KCNA2: variants seen among roughly 807,000 people sequenced by gnomAD.
The protein encoded by KCNA2 is potassium voltage-gated channel subfamily A member 2, also known as potassium channel, voltage gated shaker related subfamily A, member 2.
KCNA2 carries 11 observed loss-of-function variants against 33.4 expected under a neutral mutation model. The observed-to-expected ratio is 0.33, with a 90% confidence interval of 0.21 to 0.55. The LOEUF is 0.55. Ranked by LOEUF, KCNA2 falls within the 20% of genes least tolerant of loss-of-function variation. The pLI is 0.93. For synonymous variants in KCNA2, 222 were observed against 231.3 expected, an observed-to-expected ratio of 0.96 and a Z score of 0.37; for missense variants, 291 against 621.6, an observed-to-expected ratio of 0.47 and a Z score of 5.66.
chr1:110,625,913 T>C (rs1183197722), intron 1 of KCNA2, among the ~76,000 whole-genome samples: 2 of 152,218 alleles, frequency 1.3e-5, no homozygotes, highest in Admixed American at 6.5e-5. Context: ...TTTTTTGACC[T>C]ATTGATTTGG....
chr1:110,603,361 C>T lies in KCNA2; in HGVS notation c.1422G>A (p.Glu474=), dbSNP rs2101394728. 4.3e-6 allele frequency: 7 copies of T among 1,613,968 alleles called. No homozygotes were observed. The South Asian group carries it at 6.6e-5, about 15-fold the overall frequency. The change falls in exon 3 of 3, where the codon GAG becomes GAA. Residue 474 remains glutamate, a synonymous_variant. Transcript: ENST00000316361. This position sits in a 1 kb window ranked among gnomAD's most constrained non-coding sequence, Gnocchi z 5.7. The part of the protein sequence containing the change: ...GVNNSNEDFR[E]ENLKTANCTL... ...TACAGTTGGCTGTTTTCAAGTTTTC[C>T]TCTCTAAAGTCCTCATTACTGTTAT...
intron 1 of KCNA2, among the ~76,000 whole-genome samples, chr1:110,615,838 G>T (rs1228700749): frequency 6.6e-6 from 1 of 152,156 alleles, no homozygotes; most frequent in Non-Finnish European, 1.5e-5. Flanking sequence ...GGGCGCCTGG[G>T]GAGGAGAACC....
In KCNA2 at chr1:110,595,966, C is replaced by T; in HGVS notation, c.*7317G>A. On this transcript the variant is annotated 3_prime_UTR_variant, in exon 3 of 3. Coordinates refer to ENST00000316361, the MANE Select transcript of KCNA2 (RefSeq NM_004974.4). Reference sequence around the variant, plus strand: ...CCCTCGAGTACAAAGTTTGGAATAACTTTTCTGATCCTCAGTGATGAGGTT... The same window carrying T: ...CCCTCGAGTACAAAGTTTGGAATAATTTTTCTGATCCTCAGTGATGAGGTT... The T allele has an allele frequency of 1.0e-6, 1 of 985,436 alleles. No homozygotes were observed. Among genetic ancestry groups the T allele is most frequent in the Non-Finnish European group, 1.2e-6 (1 of 829,924 alleles). 61.0% of individuals were successfully genotyped at this position (985,436 alleles called of 1,614,324 possible).
chr1:110,622,935 A>C (rs572445528), intron 1 of KCNA2, among the ~76,000 whole-genome samples: 1 of 152,226 alleles, frequency 6.6e-6, no homozygotes, highest in African/African-American at 2.4e-5. Context: ...TAGAATCTCA[A>C]TAAAAATCTT....
rs549281059 is a variant in KCNA2, at chr1:110,603,604, T to C, written c.1179A>G (p.Leu393=). 31 of 1,614,056 alleles carry C rather than the reference T, an allele frequency of 1.9e-5. 1 individual carries two copies. In the South Asian group the frequency reaches 3.3e-4, roughly 17 times the overall value. The change falls in exon 3 of 3, where the codon CTA becomes CTG. Residue 393 remains leucine (L), a synonymous_variant. Transcript: ENST00000316361. The surrounding 1 kb of genome is among the most constrained non-coding windows in gnomAD (Gnocchi z 5.7). ...TTIGGKIVGS[L]CAIAGVLTIA... ...TAGTTAACACACCTGCAATCGCACA[T>C]AGGGAACCCACTATCTTTCCCCCAA...
rs916574815 is a variant in KCNA2 at position 110,594,656 on chromosome 1, A to G, written c.*8627T>C. 2 of 985,286 alleles carry G rather than the reference A, an allele frequency of 2.0e-6. No homozygotes were observed. Among genetic ancestry groups the G allele is most frequent in the African/African-American group, 3.5e-5 (2 of 57,214 alleles). The allele number at this position is 985,286 out of a possible 1,614,324, so 61.0% of individuals were successfully genotyped here. A position where few individuals can be genotyped will look rare whatever the true frequency, so the allele number is the denominator to read the frequency against. On this transcript the variant is annotated 3_prime_UTR_variant, in exon 3 of 3. Transcript: ENST00000316361. Reference sequence around the variant, plus strand: ...CTGGGGCCCTTCAAATGAAGGAACCATCCAAGCACGACAACAAAAGGAAAC... The same window carrying G: ...CTGGGGCCCTTCAAATGAAGGAACCGTCCAAGCACGACAACAAAAGGAAAC...
chr1:110,622,251 ATTATCT>A (rs1650277338), intron 1 of KCNA2, among the ~76,000 whole-genome samples: 1 of 152,166 alleles, frequency 6.6e-6, no homozygotes, highest in Non-Finnish European at 1.5e-5. Context: ...AAACCACATG[ATTATCT>A]TAATAGACAG....
chr1:110,601,464 T>G lies in KCNA2; in HGVS notation c.*1819A>C. 5 of 985,442 alleles carry G rather than the reference T, an allele frequency of 5.1e-6. No individual in the cohort carries two copies. Among genetic ancestry groups the G allele is most frequent in the Non-Finnish European group, 6.0e-6 (5 of 830,028 alleles). 61.0% of individuals were successfully genotyped at this position (985,442 alleles called of 1,614,324 possible). A position where few individuals can be genotyped will look rare whatever the true frequency, so the allele number is the denominator to read the frequency against. Reference sequence around the variant, plus strand: ...GCAAGGGAAGAGGTGAAAATGGAGATGATGAACAGGATGAACTGTAGAGAG... The same window carrying G: ...GCAAGGGAAGAGGTGAAAATGGAGAGGATGAACAGGATGAACTGTAGAGAG... On this transcript the variant is annotated 3_prime_UTR_variant, in exon 3 of 3. Coordinates refer to ENST00000316361, the MANE Select transcript of KCNA2 (RefSeq NM_004974.4).
Position 110,604,293 on chromosome 1 carries a change from T to A in KCNA2, c.490A>T (p.Ile164Phe). The change falls in exon 3 of 3, where the codon ATT becomes TTT. Residue 164 changes from isoleucine (I) to phenylalanine (F), a missense_variant. By Grantham distance (21) the Ile-to-Phe change is conservative. Transcript: ENST00000316361. This position sits in a 1 kb window ranked among gnomAD's most constrained non-coding sequence, Gnocchi z 7.6. ...ACCATGACAGACACAATAGCTATAA[T>A]CCTGGCAGGCCCTGAGCTCTCTGGG... ...EYPESSGPAR[I>F]IAIVSVMVIL... is the part of the protein sequence containing the mutation. The A allele has an allele frequency of 6.2e-7, 1 of 1,614,112 alleles. No individual in the cohort carries two copies.
At chr1:110,627,477 A>G (rs2640492) in intron 1 of KCNA2, among the ~76,000 whole-genome samples, 109,178 of 151,994 alleles carry the variant, frequency 0.72, 41,578 homozygotes, top group Non-Finnish European at 0.83. Context: ...GGACAACATC[A>G]TGCCAGCCAA....
At chr1:110,620,061 A>AGC (rs1650206150) in intron 1 of KCNA2, among the ~76,000 whole-genome samples, 2 of 139,716 alleles carry the variant, frequency 1.4e-5, no homozygotes, top group African/African-American at 2.9e-5. Context: ...AGCGAGAGAG[A>AGC]GAGAGAGAGA....
intron 1 of KCNA2, among the ~76,000 whole-genome samples, chr1:110,611,433 A>G (rs1056173807): frequency 2.6e-5 from 4 of 152,182 alleles, no homozygotes. Context: ...TGGCTAAATA[A>G]AAGAATATGT....
chr1:110,596,852 C>A lies in KCNA2; in HGVS notation c.*6431G>T. 3.0e-6 allele frequency: 3 copies of A among 985,306 alleles called. No individual in the cohort carries two copies. Among genetic ancestry groups the A allele is most frequent in the Non-Finnish European group, 3.6e-6 (3 of 829,910 alleles). The allele number at this position is 985,306 out of a possible 1,614,324, so 61.0% of individuals were successfully genotyped here. On this transcript the variant is annotated 3_prime_UTR_variant, in exon 3 of 3. Coordinates refer to ENST00000316361, the MANE Select transcript of KCNA2 (RefSeq NM_004974.4). Reference sequence around the variant, plus strand: ...CATATGTGTATAGAGCAAGGTAGATCAAAAAAGGATGGAATGGGACCCTGG... The same window carrying A: ...CATATGTGTATAGAGCAAGGTAGATAAAAAAAGGATGGAATGGGACCCTGG...
At chr1:110,605,948 G>A (rs1649581767) in intron 1 of KCNA2, 1 of 152,232 alleles carries the variant, frequency 6.6e-6, no homozygotes, top group Non-Finnish European at 1.5e-5. Flanking sequence ...AGGCTTGGCT[G>A]GGCCTGCCTT....
Position 110,602,697 on chromosome 1 carries a change from G to C in KCNA2, c.*586C>G. ...CACTGCAGAGAAAAAGCAGAATGCA[G>C]CATTTTCCGTTATGAAACACAAGCC... On this transcript the variant is annotated 3_prime_UTR_variant, in exon 3 of 3. Coordinates refer to ENST00000316361, the MANE Select transcript of KCNA2 (RefSeq NM_004974.4). 7.0e-6 allele frequency: 7 copies of C among 992,928 alleles called. No homozygotes were observed. The highest frequency in any genetic ancestry group is 6.0e-6 in the Non-Finnish European group (5 of 834,882). The allele number at this position is 992,928 out of a possible 1,614,324, so 61.5% of individuals were successfully genotyped here. A position where few individuals can be genotyped will look rare whatever the true frequency, so the allele number is the denominator to read the frequency against.
chr1:110,595,564 A>G lies in KCNA2; in HGVS notation c.*7719T>C. Reference sequence around the variant, plus strand: ...TAGGTAGAAAGCAACAGTCAAATGCAAGAGGTGAGGCTGAGAGAAACTGTC... The same window carrying G: ...TAGGTAGAAAGCAACAGTCAAATGCGAGAGGTGAGGCTGAGAGAAACTGTC... On this transcript the variant is annotated 3_prime_UTR_variant, in exon 3 of 3. Transcript: ENST00000316361. 1.0e-6 allele frequency: 1 copy of G among 985,534 alleles called. No individual in the cohort carries two copies. Among genetic ancestry groups the G allele is most frequent in the Non-Finnish European group, 1.2e-6 (1 of 830,000 alleles). The allele number at this position is 985,534 out of a possible 1,614,324, so 61.0% of individuals were successfully genotyped here. A position where few individuals can be genotyped will look rare whatever the true frequency, so the allele number is the denominator to read the frequency against.
At position 110,601,869 on chromosome 1, in the gene KCNA2, A is replaced by G. The variant is rs1649368935; in HGVS notation, c.*1414T>C. ...ATATGTATGTATATATATACACCCT[A>G]GTGCACATAGTCAAACACATGCATA... On this transcript the variant is annotated 3_prime_UTR_variant, in exon 3 of 3. Coordinates refer to ENST00000316361, the MANE Select transcript of KCNA2 (RefSeq NM_004974.4). 6.9e-7 allele frequency: 1 copy of G among 1,444,192 alleles called. No homozygotes were observed. Among genetic ancestry groups the G allele is most frequent in the Non-Finnish European group, 9.1e-7 (1 of 1,103,378 alleles). 89.5% of individuals were successfully genotyped at this position (1,444,192 alleles called of 1,614,324 possible).
rs1649573903 is a variant in KCNA2, at chr1:110,605,799, T to G, written c.-495-77A>C. ...CCAAGATTTAGGAGGGTCTGGCAGC[T>G]TCCCTCATGGGAGGTAACAGGCCCC... On this transcript the variant is annotated intron_variant, in intron 1 of 2. Transcript: ENST00000316361. 5 of 152,302 alleles carry G rather than the reference T, an allele frequency of 3.3e-5. No homozygotes were observed. In the South Asian group the frequency reaches 1.0e-3, roughly 32 times the overall value. 9.4% of individuals were successfully genotyped at this position (152,302 alleles called of 1,614,324 possible).
Position 110,613,885 on chromosome 1 carries a change from G to A in KCNA2, c.-495-8163C>T, listed in dbSNP as rs114317512. 2.0e-3 allele frequency among the ~76,000 whole-genome samples: 303 copies of A among 152,286 alleles called. 1 individual carries two copies. The highest frequency in any genetic ancestry group is 7.1e-3 in the African/African-American group (297 of 41,560). On this transcript the variant is annotated intron_variant, in intron 1 of 4. Coordinates refer to the KCNA2 transcript ENST00000369770. ...TCATAGAGTGGGTATACTGTGGGCT[G>A]GACCTCGTCCTGTCCACTAGTCACT...
Sources: gnomAD v4.1 joint callset for allele counts (sites outside exome capture counted in the v4.1 genomes callset) on GRCh38, gnomAD v4.1.1 for gene constraint, Gnocchi (gnomAD v3.1) non-coding constraint, MANE v1.5 for transcripts, NCBI Gene and HGNC (gene_info 2026-07-23, HGNC 2026-07-21) for gene names.